Variants in LRRTM4 observed in about 807,000 individuals in gnomAD.
LRRTM4 encodes the protein leucine-rich repeat transmembrane neuronal protein 4.
LRRTM4 carries 25 observed loss-of-function variants against 47.6 expected under a neutral mutation model. The observed-to-expected ratio is 0.53, with a 90% CI of 0.38 to 0.73. LRRTM4 has a LOEUF of 0.73. LRRTM4 is among the 30% of genes least tolerant of loss of function. The pLI, the probability that LRRTM4 is intolerant of heterozygous loss-of-function variation, is 0.00. For missense variants in LRRTM4, 638 were observed against 713.4 expected (o/e 0.89, Z 1.20); for synonymous variants, 311 against 269.5 (o/e 1.15, Z -1.51).
At chr2:76,945,220 A>G (rs1248506237) in intron 3 of LRRTM4, among the ~76,000 whole-genome samples, 1 of 152,130 alleles carries the variant, frequency 6.6e-6, no homozygotes, top group East Asian at 1.9e-4. Context: ...AACAAGTAAC[A>G]TCAACTCTAG....
intron 3 of LRRTM4, among the ~76,000 whole-genome samples, chr2:77,228,714 C>T (rs1328617000): frequency 3.3e-5 from 5 of 152,192 alleles, no homozygotes; most frequent in African/African-American, 9.6e-5. Flanking sequence ...AAAACATATT[C>T]TTATTGTGTC....
chr2:77,157,350 T>C (rs1045531940), intron 3 of LRRTM4, among the ~76,000 whole-genome samples: 3 of 152,160 alleles, frequency 2.0e-5, no homozygotes, highest in Non-Finnish European at 4.4e-5. Flanking sequence ...TTGCATTAGT[T>C]AGAATAAGCT....
intron 3 of LRRTM4, among the ~76,000 whole-genome samples, chr2:77,220,929 GA>G (rs1170969463): frequency 1.4e-4 from 22 of 152,128 alleles, no homozygotes; most frequent in Admixed American, 1.4e-3. Context: ...TGAAATGAAG[GA>G]AAAAATGTTA....
chr2:76,999,969 A>C (rs1677354408), intron 3 of LRRTM4, among the ~76,000 whole-genome samples: 1 of 152,160 alleles, frequency 6.6e-6, no homozygotes, highest in African/African-American at 2.4e-5. Context: ...AAAGAATGAA[A>C]CAGACAATGA....
chr2:76,922,185 T>C (rs1674453094), intron 3 of LRRTM4, among the ~76,000 whole-genome samples: 1 of 152,122 alleles, frequency 6.6e-6, no homozygotes, highest in Non-Finnish European at 1.5e-5. Context: ...ACATGTATAT[T>C]AGTCTGTTTT....
At chr2:77,221,619 A>T (rs1463775387) in intron 3 of LRRTM4, among the ~76,000 whole-genome samples, 1 of 152,120 alleles carries the variant, frequency 6.6e-6, no homozygotes, top group African/African-American at 2.4e-5. Context: ...AGGCCATTAC[A>T]TAATGGTAAA....
At chr2:77,170,131 G>A (rs377453249) in intron 3 of LRRTM4, among the ~76,000 whole-genome samples, 2 of 152,238 alleles carry the variant, frequency 1.3e-5, no homozygotes, top group East Asian at 3.9e-4. Flanking sequence ...TTGTGATTAG[G>A]GTTAGGGTGT....
chr2:76,934,410 G>A lies in LRRTM4; in HGVS notation c.1552-185494C>T, dbSNP rs368533257. Among the ~76,000 whole-genome samples the A allele has an allele frequency of 5.3e-5, 8 of 152,180 alleles. No individual in the cohort carries two copies. The East Asian group carries it at 1.4e-3, about 26-fold the overall frequency. On this transcript the variant is annotated intron_variant, in intron 3 of 3. Transcript: ENST00000409884. ...TATATATGACAGTAATGTGACTAGG[G>A]ACATAACAACTAAAATTTTGCAATT...
chr2:76,892,942 C>T (rs1207604691), intron 3 of LRRTM4, among the ~76,000 whole-genome samples: 1 of 151,212 alleles, frequency 6.6e-6, no homozygotes, highest in African/African-American at 2.4e-5. Context: ...TTAAGATTTT[C>T]CTACTAATGG....
At chr2:76,775,036 C>G (rs1351607614) in intron 3 of LRRTM4, among the ~76,000 whole-genome samples, 1 of 152,110 alleles carries the variant, frequency 6.6e-6, no homozygotes, top group South Asian at 2.1e-4. Context: ...TCTTAGCTCT[C>G]GAATTTCTCC....
At chr2:77,115,591 C>A (rs187091002) in intron 3 of LRRTM4, among the ~76,000 whole-genome samples, 3 of 152,118 alleles carry the variant, frequency 2.0e-5, no homozygotes, top group African/African-American at 7.2e-5. Flanking sequence ...GGGTCCCTGA[C>A]TTCCCTCAAC....
chr2:76,820,972 T>A (rs1329757575), intron 3 of LRRTM4, among the ~76,000 whole-genome samples: 1 of 151,730 alleles, frequency 6.6e-6, no homozygotes, highest in Non-Finnish European at 1.5e-5. Context: ...TTTTTTTGCA[T>A]TGAAATTAAA....
At chr2:77,284,335 T>C (rs1281556339) in intron 3 of LRRTM4, among the ~76,000 whole-genome samples, 1 of 152,136 alleles carries the variant, frequency 6.6e-6, no homozygotes, top group Non-Finnish European at 1.5e-5. Flanking sequence ...TGTTAGATAA[T>C]AACACATTCT....
At chr2:77,379,951 CAT>C (rs1672988511) in intron 3 of LRRTM4, among the ~76,000 whole-genome samples, 1 of 151,980 alleles carries the variant, frequency 6.6e-6, no homozygotes, top group African/African-American at 2.4e-5. Context: ...TTCATAACAA[CAT>C]ATTTATTGCA....
At chr2:77,471,405 T>C (rs1264717752) in intron 3 of LRRTM4, among the ~76,000 whole-genome samples, 1 of 152,162 alleles carries the variant, frequency 6.6e-6, no homozygotes, top group African/African-American at 2.4e-5. Context: ...GCCTCCTAAA[T>C]GTACACCTTA....
chr2:77,339,055 CA>C (rs960535282), intron 3 of LRRTM4, among the ~76,000 whole-genome samples: 1 of 151,548 alleles, frequency 6.6e-6, no homozygotes, highest in Non-Finnish European at 1.5e-5. Flanking sequence ...ACTGTAGGTA[CA>C]AAAACATAAA....
intron 3 of LRRTM4, among the ~76,000 whole-genome samples, chr2:76,899,568 A>G (rs1673550533): frequency 6.6e-6 from 1 of 152,076 alleles, no homozygotes; most frequent in South Asian, 2.1e-4. Flanking sequence ...AATGCAAAGG[A>G]CCTAATGTGA....
intron 3 of LRRTM4, among the ~76,000 whole-genome samples, chr2:77,458,353 G>A (rs567071670): frequency 1.3e-5 from 2 of 151,648 alleles, no homozygotes; most frequent in Admixed American, 1.3e-4. Context: ...GTTTCTTTTT[G>A]TGTTTCTCAG....
At chr2:77,011,048 G>A (rs1382194407) in intron 3 of LRRTM4, among the ~76,000 whole-genome samples, 4 of 152,020 alleles carry the variant, frequency 2.6e-5, no homozygotes, top group Non-Finnish European at 4.4e-5. Flanking sequence ...ACAGTCAGAA[G>A]TACTATGAGT....
Sources: gnomAD v4.1 joint callset for allele counts (sites outside exome capture counted in the v4.1 genomes callset) on GRCh38, gnomAD v4.1.1 for gene constraint, MANE v1.5 for transcripts, NCBI Gene and HGNC (gene_info 2026-07-23, HGNC 2026-07-21) for gene names.